Variants in RSPH9 observed in about 807,000 individuals in gnomAD.
RSPH9 encodes radial spoke head protein 9 homolog.
Under a neutral mutation model 27.0 loss-of-function variants are expected in RSPH9, and 27 were observed. That is an observed-to-expected ratio of 1.00 (90% confidence interval 0.74 to 1.38). The LOEUF (loss-of-function observed/expected upper bound fraction) is 1.38, where lower values mean the gene tolerates loss of function less well. RSPH9 is among the 40% of genes most tolerant of loss of function. The probability of loss-of-function intolerance (pLI) is 0.00; values close to 1 mark genes in which losing one functional copy is unlikely to be tolerated. For missense variants in RSPH9, 347 were observed against 357.4 expected, an observed-to-expected ratio of 0.97 and a Z score of 0.24; for synonymous variants, 145 against 147.7, an observed-to-expected ratio of 0.98 and a Z score of 0.13.
In RSPH9 at chr6:43,665,305, G is replaced by A. The variant is rs142724243; in HGVS notation, c.671-5484G>A. Among the ~76,000 whole-genome samples, 640 of 152,334 alleles carry A rather than the reference G, an allele frequency of 4.2e-3. 4 individuals carry two copies. Among genetic ancestry groups the A allele is most frequent in the African/African-American group, 0.015 (611 of 41,576 alleles). On this transcript the variant is annotated intron_variant, in intron 4 of 4. Transcript: ENST00000372163. ...GAGGCAGCTGTCTTTCCTTGCAACAGGAGAAGTAAAATGTGGAGCTTTGGA... is the reference window on the plus strand; with the variant it reads ...GAGGCAGCTGTCTTTCCTTGCAACAAGAGAAGTAAAATGTGGAGCTTTGGA...
Position 43,655,506 on chromosome 6 carries a change from G to A in RSPH9, c.394-56G>A, listed in dbSNP as rs1582385148. ...AGATGGCCGTGCAGAGGGACCTTGC[G>A]CCGGGGTGCCTGGGCACAGTGCCCT... On this transcript the variant is annotated intron_variant, in intron 2 of 4. Transcript: ENST00000372163. 5.0e-6 allele frequency: 8 copies of A among 1,611,046 alleles called. No homozygotes were observed. The South Asian group carries it at 6.6e-5, about 13-fold the overall frequency.
intron 4 of RSPH9, among the ~76,000 whole-genome samples, chr6:43,668,124 C>T (rs531038221): frequency 1.3e-4 from 20 of 152,168 alleles, no homozygotes; most frequent in African/African-American, 4.3e-4. Context: ...GAAGAGAGAG[C>T]GGGGGCTGTG....
At chr6:43,668,026 C>T (rs982542104) in intron 4 of RSPH9, among the ~76,000 whole-genome samples, 1 of 152,146 alleles carries the variant, frequency 6.6e-6, no homozygotes, top group African/African-American at 2.4e-5. Flanking sequence ...GGAACCCCTC[C>T]TGATTTACCA....
At position 43,669,892 on chromosome 6, in the gene RSPH9, G is replaced by C. The variant is rs142278762; in HGVS notation, c.671-897G>C. Among the ~76,000 whole-genome samples, 22 of 152,356 alleles carry C rather than the reference G, an allele frequency of 1.4e-4. No homozygotes were observed. The East Asian group carries it at 4.2e-3, about 29-fold the overall frequency. On this transcript the variant is annotated intron_variant, in intron 4 of 4. Transcript: ENST00000372163. ...AACCAGGGCAGAACCTAGGACAAAG[G>C]CTCATTAGGGGCAGCCCAAGTCCCC... is the stretch of plus-strand genomic sequence containing the variant.
rs1442603650 is a variant in RSPH9, at chr6:43,652,221, G to A, written c.393+1681G>A. Among the ~76,000 whole-genome samples the A allele has an allele frequency of 2.0e-5, 3 of 151,076 alleles. No individual in the cohort carries two copies. The East Asian group carries it at 6.0e-4, about 30-fold the overall frequency. On this transcript the variant is annotated intron_variant, in intron 2 of 4. Transcript: ENST00000372163. ...CTCGGGAGGCTGAGGCAGGAGAATG[G>A]CATGAACCCGGGAGGCAGAGCTTGC...
chr6:43,651,646 T>A (rs1304256416), intron 2 of RSPH9, among the ~76,000 whole-genome samples: 2 of 151,982 alleles, frequency 1.3e-5, no homozygotes, highest in African/African-American at 4.8e-5. Flanking sequence ...CCTCCTGGGT[T>A]CAAGCAATTC....
rs1476078408 is a variant in RSPH9 at position 43,650,449 on chromosome 6, G to A, written c.302G>A (p.Gly101Asp). ...EMVAQSSVVK[G>D]RFMGDPSYEY... is the part of the protein sequence containing the mutation. ...GTGGCGCAGTCGTCTGTGGTGAAGG[G>A]CCGCTTCATGGGGGACCCATCATAC... The change falls in exon 2 of 5, where the codon GGC (glycine) becomes GAC (aspartate). Residue 101 changes from glycine (G) to aspartate (D), a missense_variant. Physicochemically the swap from Gly to Asp is moderately conservative, Grantham distance 94 (BLOSUM62 -1). Coordinates refer to ENST00000372163, the MANE Select transcript of RSPH9 (RefSeq NM_152732.5). The A allele has an allele frequency of 6.2e-7, 1 of 1,614,180 alleles. No individual in the cohort carries two copies. The highest frequency in any genetic ancestry group is 8.5e-7 in the Non-Finnish European group (1 of 1,180,044).
At chr6:43,655,370 TA>T (rs998643969) in intron 2 of RSPH9, among the ~76,000 whole-genome samples, 191 bp from the exon 3 acceptor site, 5 of 152,094 alleles carry the variant, frequency 3.3e-5, no homozygotes, top group African/African-American at 9.7e-5. Context: ...TATTACGAAT[TA>T]AAAAACAAAT....
chr6:43,658,796 G>A (rs1250421241), intron 4 of RSPH9, among the ~76,000 whole-genome samples: 6 of 151,992 alleles, frequency 3.9e-5, no homozygotes, highest in Admixed American at 1.3e-4. Flanking sequence ...CGCCTACCTC[G>A]ACCTTCCAAA....
intron 4 of RSPH9, among the ~76,000 whole-genome samples, chr6:43,660,224 G>T (rs1450139289): frequency 6.6e-6 from 1 of 151,064 alleles, no homozygotes; most frequent in Admixed American, 6.6e-5. Flanking sequence ...TGTATTTTCA[G>T]TAGAGATGAG....
intron 4 of RSPH9, among the ~76,000 whole-genome samples, chr6:43,670,198 C>A (rs148846143): frequency 1.3e-5 from 2 of 152,248 alleles, no homozygotes; most frequent in African/African-American, 4.8e-5. Context: ...CCTCCTCCCC[C>A]ACTCAACCTT....
intron 4 of RSPH9, among the ~76,000 whole-genome samples, chr6:43,669,462 G>A (rs1773491316): frequency 6.6e-6 from 1 of 152,208 alleles, no homozygotes; most frequent in African/African-American, 2.4e-5. Flanking sequence ...GGTGGGCACT[G>A]AGTTGTGAGG....
At chr6:43,655,442 T>C (rs1771904043) in intron 2 of RSPH9, 120 bp from the exon 3 acceptor site, 1 of 1,058,078 alleles carries the variant, frequency 9.5e-7, no homozygotes. Flanking sequence ...GCGTGATCTG[T>C]GTGGCTCTGG....
chr6:43,661,948 C>T (rs116511278), intron 4 of RSPH9, among the ~76,000 whole-genome samples: 6,575 of 152,210 alleles, frequency 0.043, 276 homozygotes, highest in East Asian at 0.21. Flanking sequence ...AGTGCAACAG[C>T]GTGATCATGC....
chr6:43,671,047 T>C lies in RSPH9; in HGVS notation c.*98T>C. The C allele has an allele frequency of 1.4e-6, 2 of 1,436,368 alleles. No homozygotes were observed. Among genetic ancestry groups the C allele is most frequent in the Non-Finnish European group, 1.9e-6 (2 of 1,037,666 alleles). 89.0% of individuals were successfully genotyped at this position (1,436,368 alleles called of 1,614,324 possible). The stretch of plus-strand genomic sequence containing the variant: ...GCCTGTTCTGTCCTATCTTCTTAAC[T>C]CCACCTCCGTCTGGTTCCAGATTCT... On this transcript the variant is annotated 3_prime_UTR_variant, in exon 5 of 5. Transcript: ENST00000372163.
rs1773060259 is a variant in RSPH9, at chr6:43,665,649, C to T, written c.671-5140C>T. On this transcript the variant is annotated intron_variant, in intron 4 of 4. Coordinates refer to ENST00000372163, the MANE Select transcript of RSPH9 (RefSeq NM_152732.5). Reference sequence around the variant, plus strand: ...TGCTGGCTTCACTTCCCAGTCCACCCCACCATGTTGCTTTATGAGCTGGAA... The same window carrying T: ...TGCTGGCTTCACTTCCCAGTCCACCTCACCATGTTGCTTTATGAGCTGGAA... 2.0e-5 allele frequency among the ~76,000 whole-genome samples: 3 copies of T among 152,226 alleles called. No homozygotes were observed. In the South Asian group the frequency reaches 6.2e-4, roughly 32 times the overall value.
chr6:43,650,905 T>TA (rs57197298), intron 2 of RSPH9, among the ~76,000 whole-genome samples: 22,333 of 99,708 alleles, frequency 0.22, 3,619 homozygotes, highest in African/African-American at 0.48. Flanking sequence ...ACCCTGTCTA[T>TA]AAAAAAAAAA....
intron 4 of RSPH9, among the ~76,000 whole-genome samples, chr6:43,669,870 C>T (rs1773538909): frequency 6.6e-6 from 1 of 152,222 alleles, no homozygotes; most frequent in African/African-American, 2.4e-5. Context: ...AGACAAAAAC[C>T]AGGGCAGAAC....
rs766022132 is a variant in RSPH9 at position 43,656,609 on chromosome 6, T to A, written c.556T>A (p.Ser186Thr). 8.1e-6 allele frequency: 13 copies of A among 1,614,068 alleles called. No homozygotes were observed. The South Asian group carries it at 1.3e-4, about 16-fold the overall frequency. Residue 186 changes from serine (S) to threonine (T), a missense_variant, in exon 4 of 5, where the codon TCC becomes ACC. Physicochemically the swap from Ser to Thr is moderately conservative, Grantham distance 58. Coordinates refer to ENST00000372163, the MANE Select transcript of RSPH9 (RefSeq NM_152732.5). ...CTTGTCTGAGGCCAAGAAGCTCAGC[T>A]CCTACTTCCATTTCAGGGAGCCTGT... is the stretch of plus-strand genomic sequence containing the variant. Reference protein sequence around the residue: ...LSLSEAKKLSSYFHFREPVEL... With the variant: ...LSLSEAKKLSTYFHFREPVEL...
Sources: allele counts gnomAD v4.1 joint callset (sites outside exome capture counted in the v4.1 genomes callset), GRCh38; gene constraint gnomAD v4.1.1; transcripts MANE v1.5; gene names NCBI Gene and HGNC (gene_info 2026-07-23, HGNC 2026-07-21).